ADAMTS18: variants seen among roughly 807,000 people sequenced by gnomAD.
The protein encoded by ADAMTS18 is A disintegrin and metalloproteinase with thrombospondin motifs 18.
Under a neutral mutation model 165.9 loss-of-function variants are expected in ADAMTS18, and 157 were observed. That is an observed-to-expected ratio of 0.95 (90% CI 0.83 to 1.08). ADAMTS18 has a LOEUF of 1.08. Among genes scored for constraint, ADAMTS18 ranks in the 50% least tolerant of loss-of-function variants. The pLI is 0.00. For missense variants in ADAMTS18, 2,040 were observed against 1,534.0 expected, an observed-to-expected ratio of 1.33 and a Z score of -5.51; for synonymous variants, 782 against 578.2, an observed-to-expected ratio of 1.35 and a Z score of -5.06.
At chr16:77,395,017 G>T (rs530893416) in intron 3 of ADAMTS18, among the ~76,000 whole-genome samples, 20 of 152,308 alleles carry the variant, frequency 1.3e-4, no homozygotes, top group African/African-American at 4.8e-4. Context: ...GCATTTGCCT[G>T]TGGCTAGTGG....
chr16:77,376,197 C>T (rs902702885), intron 3 of ADAMTS18, among the ~76,000 whole-genome samples: 1 of 152,116 alleles, frequency 6.6e-6, no homozygotes, highest in Non-Finnish European at 1.5e-5. Flanking sequence ...GCCACTGCAC[C>T]CGGCCGCAGA....
At chr16:77,320,174 G>A in intron 15 of ADAMTS18, 81 bp from the exon 16 acceptor site, 2 of 1,551,672 alleles carry the variant, frequency 1.3e-6, no homozygotes, top group Non-Finnish European at 1.8e-6. Context: ...GACATGTAGT[G>A]TTCAGTTTTA....
At chr16:77,315,532 A>G (rs1404415243) in intron 16 of ADAMTS18, among the ~76,000 whole-genome samples, 1 of 152,216 alleles carries the variant, frequency 6.6e-6, no homozygotes, top group Non-Finnish European at 1.5e-5. Context: ...ATACATGACA[A>G]GATGCCAGCG....
intron 14 of ADAMTS18, 150 bp downstream of exon 14, chr16:77,322,186 T>C (rs1352250116): frequency 3.1e-6 from 2 of 643,470 alleles, no homozygotes; most frequent in East Asian, 6.7e-5. Flanking sequence ...AAAGATATGG[T>C]GCTCGAATCC....
intron 3 of ADAMTS18, among the ~76,000 whole-genome samples, chr16:77,422,181 GT>G (rs1270628706): frequency 2.6e-5 from 4 of 152,064 alleles, no homozygotes; most frequent in Admixed American, 2.6e-4. Flanking sequence ...GTTTAGTCTT[GT>G]TTGGATACAG....
chr16:77,356,623 T>G (rs2056634710), intron 8 of ADAMTS18, among the ~76,000 whole-genome samples: 1 of 129,270 alleles, frequency 7.7e-6, no homozygotes, highest in African/African-American at 2.6e-5. Context: ...TCTCTTATAA[T>G]AAACATTTTT....
At chr16:77,385,519 G>C (rs2057094323) in intron 3 of ADAMTS18, among the ~76,000 whole-genome samples, 2 of 152,178 alleles carry the variant, frequency 1.3e-5, no homozygotes, top group African/African-American at 2.4e-5. Context: ...CACACTATCA[G>C]AAAGACACGT....
chr16:77,430,966 A>G (rs2057731636), intron 3 of ADAMTS18, among the ~76,000 whole-genome samples: 2 of 152,180 alleles, frequency 1.3e-5, no homozygotes, highest in African/African-American at 4.8e-5. Context: ...AGCTTGTTAG[A>G]TTTATAGAAT....
rs1254001285 is a variant in ADAMTS18, at chr16:77,283,685, T to C, written c.*271A>G. 1 of 421,024 alleles carries C rather than the reference T, an allele frequency of 2.4e-6. No individual in the cohort carries two copies. Among genetic ancestry groups the C allele is most frequent in the African/African-American group, 2.0e-5 (1 of 49,488 alleles). The allele number at this position is 421,024 out of a possible 1,614,324, so 26.1% of individuals were successfully genotyped here. ...ACGTATCTCAGTGTGATTCACCACT[T>C]CTTGCATATAACAGTGCAAATCAAA... On this transcript the variant is annotated 3_prime_UTR_variant, in exon 23 of 23. Coordinates refer to ENST00000282849, the MANE Select transcript of ADAMTS18 (RefSeq NM_199355.4).
At chr16:77,343,941 T>G (rs2056436658) in intron 10 of ADAMTS18, among the ~76,000 whole-genome samples, 1 of 151,872 alleles carries the variant, frequency 6.6e-6, no homozygotes, top group African/African-American at 2.4e-5. Context: ...TCATTACTTG[T>G]TGTAATCCTG....
intron 3 of ADAMTS18, among the ~76,000 whole-genome samples, chr16:77,414,626 C>T (rs1391767691): frequency 6.6e-6 from 1 of 152,014 alleles, no homozygotes; most frequent in African/African-American, 2.4e-5. Flanking sequence ...GGTAGAGTTC[C>T]ACACATCACA....
chr16:77,334,877 C>G (rs950724976), intron 12 of ADAMTS18, among the ~76,000 whole-genome samples: 10 of 128,148 alleles, frequency 7.8e-5, no homozygotes, highest in Admixed American at 3.3e-4. Flanking sequence ...AGTATATGCA[C>G]TATATATTAT....
rs2144732118 is a variant in ADAMTS18 at position 77,362,169 on chromosome 16, A to G, written c.1152T>C (p.Asp384=). The change falls in exon 7 of 23, where the codon GAT becomes GAC. Residue 384 remains aspartate (D), a synonymous_variant. Coordinates refer to ENST00000282849, the MANE Select transcript of ADAMTS18 (RefSeq NM_199355.4). The part of the protein sequence containing the change: ...ALIGKNGKRH[D]HAILLTGFDI... ...CAAATCCTGTTAGTAAGATGGCATG[A>G]TCATGTCTCTTGCCATTCTTTCCAA... 1.2e-6 allele frequency: 2 copies of G among 1,614,142 alleles called. No individual in the cohort carries two copies. Among genetic ancestry groups the G allele is most frequent in the Admixed American group, 1.7e-5 (1 of 60,028 alleles).
intron 10 of ADAMTS18, among the ~76,000 whole-genome samples, chr16:77,346,696 T>C (rs896503520): frequency 2.0e-5 from 3 of 152,196 alleles, no homozygotes; most frequent in Admixed American, 6.5e-5. Context: ...TTTAAGCCCA[T>C]GTATGCCTGA....
intron 18 of ADAMTS18, among the ~76,000 whole-genome samples, chr16:77,295,438 G>C (rs2055451068): frequency 6.6e-6 from 1 of 152,162 alleles, no homozygotes; most frequent in South Asian, 2.1e-4. Flanking sequence ...CTATGTGTCA[G>C]GGACTCTCCT....
chr16:77,288,487 C>A (rs1230629792), intron 22 of ADAMTS18, among the ~76,000 whole-genome samples: 1 of 151,976 alleles, frequency 6.6e-6, no homozygotes, highest in Admixed American at 6.6e-5. Flanking sequence ...CAGATTACTT[C>A]AAATAGTGAA....
At chr16:77,354,020 C>T in intron 9 of ADAMTS18, 134 bp from the exon 10 acceptor site, 1 of 1,119,900 alleles carries the variant, frequency 8.9e-7, no homozygotes, top group South Asian at 1.3e-5. Context: ...GTTTAAAGTT[C>T]AAATCTATGT....
chr16:77,350,474 C>T (rs2056540068), intron 10 of ADAMTS18, among the ~76,000 whole-genome samples: 1 of 152,122 alleles, frequency 6.6e-6, no homozygotes, highest in Non-Finnish European at 1.5e-5. Context: ...GAGATGAATC[C>T]TCACCAATGA....
chr16:77,424,193 G>A (rs1424890898), intron 3 of ADAMTS18, among the ~76,000 whole-genome samples: 4 of 151,342 alleles, frequency 2.6e-5, no homozygotes, highest in Non-Finnish European at 5.9e-5. Context: ...GGCAGGCCGG[G>A]CGCGGTGGCT....
Sources: allele counts gnomAD v4.1 joint callset (sites outside exome capture counted in the v4.1 genomes callset), GRCh38; gene constraint gnomAD v4.1.1; transcripts MANE v1.5; gene names NCBI Gene and HGNC (gene_info 2026-07-23, HGNC 2026-07-21).